Variants in RBFOX1 observed in about 807,000 individuals in gnomAD.
RBFOX1 encodes RNA binding protein fox-1 homolog 1.
A neutral mutation model predicts 57.7 loss-of-function variants in RBFOX1; 8 were observed. The ratio of observed to expected loss-of-function variants is 0.14; its 90% CI spans 0.08 to 0.25. The LOEUF is 0.25. Among genes scored for constraint, RBFOX1 ranks in the 10% least tolerant of loss-of-function variants. RBFOX1 has a pLI of 1.00. For synonymous variants in RBFOX1, 326 were observed against 222.4 expected (o/e 1.47, Z -4.15); for missense variants, 611 against 548.5 (o/e 1.11, Z -1.14).
chr16:7,004,373 C>G (rs895461495), intron 3 of RBFOX1, among the ~76,000 whole-genome samples: 2 of 152,114 alleles, frequency 1.3e-5, no homozygotes, highest in African/African-American at 4.8e-5. Context: ...AACATGGCAT[C>G]AGATTCTTTG....
At chr16:5,989,871 CA>C (rs1567227282) in intron 4 of RBFOX1, among the ~76,000 whole-genome samples, 21 of 117,278 alleles carry the variant, frequency 1.8e-4, no homozygotes, top group South Asian at 1.3e-3. Flanking sequence ...CACACACACA[CA>C]CACACACACC....
At chr16:5,420,850 C>T (rs1385106665) in intron 1 of RBFOX1, among the ~76,000 whole-genome samples, 1 of 145,666 alleles carries the variant, frequency 6.9e-6, no homozygotes, top group Non-Finnish European at 1.5e-5. Context: ...TCTACCACCA[C>T]CTCCTCTTCC....
intron 1 of RBFOX1, among the ~76,000 whole-genome samples, chr16:6,270,725 G>T (rs1567819313): frequency 6.6e-6 from 1 of 152,134 alleles, no homozygotes; most frequent in South Asian, 2.1e-4. Flanking sequence ...CCATCAACGA[G>T]GACTAATCAA....
intron 3 of RBFOX1, among the ~76,000 whole-genome samples, chr16:5,789,684 C>T (rs943229809): frequency 2.6e-5 from 4 of 152,084 alleles, no homozygotes; most frequent in East Asian, 1.9e-4. Context: ...CAGTTAGTAT[C>T]GCACTTCTCT....
chr16:6,283,038 C>G (rs993391788), intron 1 of RBFOX1, among the ~76,000 whole-genome samples: 15 of 152,170 alleles, frequency 9.9e-5, no homozygotes, highest in African/African-American at 1.7e-4. Context: ...CTCTAAAACC[C>G]TTACGCAACC....
intron 3 of RBFOX1, among the ~76,000 whole-genome samples, chr16:6,747,814 C>G (rs17141221): frequency 0.019 from 2,913 of 152,198 alleles, 97 homozygotes; most frequent in African/African-American, 0.067. Flanking sequence ...GTGACATATC[C>G]TCAGTCCCTA....
At chr16:5,324,032 C>T (rs1334809886) in intron 1 of RBFOX1, among the ~76,000 whole-genome samples, 1 of 152,272 alleles carries the variant, frequency 6.6e-6, no homozygotes, top group Non-Finnish European at 1.5e-5. Context: ...ATGGGCATCA[C>T]ATGAGTCTCT....
chr16:7,051,603 G>C lies in RBFOX1; in HGVS notation c.-15-454G>C, dbSNP rs144592281. Reference sequence around the variant, plus strand: ...CATAAAATGTAACCCAGTTGCCAAGGCATGACAACTGACACTACTGGCCCT... The same window carrying C: ...CATAAAATGTAACCCAGTTGCCAAGCCATGACAACTGACACTACTGGCCCT... On this transcript the variant is annotated intron_variant, in intron 3 of 15. Transcript: ENST00000550418. Among the ~76,000 whole-genome samples, 1,184 of 152,264 alleles carry C rather than the reference G, an allele frequency of 7.8e-3. 3 individuals are homozygous for C. Among genetic ancestry groups the C allele is most frequent in the Non-Finnish European group, 0.011 (779 of 68,020 alleles).
intron 3 of RBFOX1, among the ~76,000 whole-genome samples, chr16:5,687,662 C>G (rs985208707): frequency 3.3e-5 from 5 of 152,274 alleles, no homozygotes; most frequent in Admixed American, 1.3e-4. Context: ...GGGTGACCGA[C>G]CATTCCAGTC....
intron 3 of RBFOX1, among the ~76,000 whole-genome samples, chr16:5,797,595 A>G (rs148909092): frequency 5.7e-4 from 87 of 152,294 alleles, no homozygotes; most frequent in Non-Finnish European, 1.1e-3. Flanking sequence ...GATGCAGACA[A>G]TCCTACATCC....
chr16:6,233,896 A>G (rs1462849462), intron 1 of RBFOX1, among the ~76,000 whole-genome samples: 1 of 152,192 alleles, frequency 6.6e-6, no homozygotes, highest in Non-Finnish European at 1.5e-5. Flanking sequence ...CTCCCATAAT[A>G]GAATACCTGA....
At chr16:7,259,156 C>A (rs1443219215) in intron 4 of RBFOX1, among the ~76,000 whole-genome samples, 1 of 152,176 alleles carries the variant, frequency 6.6e-6, no homozygotes, top group Admixed American at 6.5e-5. Context: ...AAGCTGTTGA[C>A]ACCACATGAC....
intron 1 of RBFOX1, among the ~76,000 whole-genome samples, chr16:6,227,671 G>A (rs1437250489): frequency 6.6e-6 from 1 of 152,258 alleles, no homozygotes; most frequent in Non-Finnish European, 1.5e-5. Context: ...AGCCACACTG[G>A]ACAATGGAAC....
At chr16:6,625,808 A>T (rs142183116) in intron 2 of RBFOX1, among the ~76,000 whole-genome samples, 1 of 152,364 alleles carries the variant, frequency 6.6e-6, no homozygotes, top group African/African-American at 2.4e-5. Context: ...AATGATGATT[A>T]TCAGCTAATT....
In RBFOX1 at chr16:5,660,984, C is replaced by T. The variant is rs142013722; in HGVS notation, c.318+62023C>T. Among the ~76,000 whole-genome samples, 11 of 152,180 alleles carry T rather than the reference C, an allele frequency of 7.2e-5. No homozygotes were observed. In the East Asian group the frequency reaches 1.7e-3, roughly 24 times the overall value. On this transcript the variant is annotated intron_variant, in intron 3 of 19. Coordinates refer to the RBFOX1 transcript ENST00000641259. ...GCTTGATATAGGGTTGAGGAGGTAGCGCCATGTTAAATGAGTCCTAAGCTT... is the reference window on the plus strand; with the variant it reads ...GCTTGATATAGGGTTGAGGAGGTAGTGCCATGTTAAATGAGTCCTAAGCTT...
intron 2 of RBFOX1, among the ~76,000 whole-genome samples, chr16:6,581,682 C>T (rs541365975): frequency 6.6e-6 from 1 of 152,182 alleles, no homozygotes; most frequent in African/African-American, 2.4e-5. Flanking sequence ...AAGGGGGCCT[C>T]CCTCATGGGT....
intron 4 of RBFOX1, among the ~76,000 whole-genome samples, chr16:7,304,920 GT>G (rs1179718907): frequency 1.2e-3 from 2 of 1,712 alleles, no homozygotes; most frequent in Admixed American, 7.8e-3. Context: ...GGTGTGGTGT[GT>G]GTGTGTGTGT....
intron 3 of RBFOX1, among the ~76,000 whole-genome samples, chr16:5,812,974 C>T (rs1176750797): frequency 2.0e-5 from 3 of 149,906 alleles, no homozygotes; most frequent in Admixed American, 6.6e-5. Flanking sequence ...TATTGTGATA[C>T]ATATACATAA....
At chr16:7,368,408 C>T (rs564255588) in intron 4 of RBFOX1, among the ~76,000 whole-genome samples, 1 of 152,134 alleles carries the variant, frequency 6.6e-6, no homozygotes, top group East Asian at 1.9e-4. Flanking sequence ...AGAAAACCAG[C>T]ATCATTCATG....
Sources: gnomAD v4.1 joint callset for allele counts (sites outside exome capture counted in the v4.1 genomes callset) on GRCh38, gnomAD v4.1.1 for gene constraint, MANE v1.5 for transcripts, NCBI Gene and HGNC (gene_info 2026-07-23, HGNC 2026-07-21) for gene names.